NR1I2: variants seen among roughly 807,000 people sequenced by gnomAD.
NR1I2 encodes orphan nuclear receptor PAR1.
In NR1I2, 42 loss-of-function variants were observed where a neutral mutation model predicts 43.3. The ratio of observed to expected loss-of-function variants is 0.97; its 90% CI spans 0.76 to 1.26. The LOEUF (loss-of-function observed/expected upper bound fraction) is 1.26. NR1I2 is among the 50% of genes most tolerant of loss of function. The pLI, the probability that NR1I2 is intolerant of heterozygous loss-of-function variation, is 0.00. For missense variants in NR1I2, 559 were observed against 566.7 expected (o/e 0.99, Z 0.14); for synonymous variants, 229 against 215.0 (o/e 1.06, Z -0.57).
intron 1 of NR1I2, among the ~76,000 whole-genome samples, chr3:119,785,810 A>G (rs1187645964): frequency 6.6e-6 from 1 of 152,228 alleles, no homozygotes; most frequent in Non-Finnish European, 1.5e-5. Context: ...TAGGTGCTGC[A>G]TACCAGGAGG....
intron 1 of NR1I2, chr3:119,782,966 G>T (rs571599597): frequency 1.3e-5 from 11 of 869,998 alleles, no homozygotes; most frequent in Middle Eastern, 4.3e-4. Context: ...AGCCCAGCTC[G>T]GCTGAAGCTA....
At chr3:119,807,206 C>G (rs755884741) in intron 1 of NR1I2, 23 bp from the exon 2 acceptor site, 43 of 1,602,534 alleles carry the variant, frequency 2.7e-5, no homozygotes, top group Non-Finnish European at 3.3e-5. Flanking sequence ...TCTTTTCATT[C>G]TCTGTGGTTT....
At position 119,817,685 on chromosome 3, in the gene NR1I2, T is replaced by C; in HGVS notation, c.*473T>C. ...GTCTCCCACTTCCCACTCGTTCCCC[T>C]CCTCTTCCGAGCTGCTTTGTGGGCT... On this transcript the variant is annotated 3_prime_UTR_variant, in exon 9 of 9. Transcript: ENST00000393716. The C allele has an allele frequency of 9.0e-7, 1 of 1,111,152 alleles. No homozygotes were observed. Among genetic ancestry groups the C allele is most frequent in the Non-Finnish European group, 1.1e-6 (1 of 902,194 alleles). 68.8% of individuals were successfully genotyped at this position (1,111,152 alleles called of 1,614,324 possible).
At chr3:119,795,531 A>G (rs978696886) in intron 1 of NR1I2, among the ~76,000 whole-genome samples, 1 of 152,230 alleles carries the variant, frequency 6.6e-6, no homozygotes, top group African/African-American at 2.4e-5. Context: ...CATCACCTGC[A>G]GTTTCTCTGG....
intron 5 of NR1I2, among the ~76,000 whole-genome samples, chr3:119,813,573 C>T (rs1393570304): frequency 2.0e-5 from 3 of 152,086 alleles, no homozygotes; most frequent in African/African-American, 7.2e-5. Context: ...TTGGGTAGGC[C>T]ACCTTGCCTT....
chr3:119,814,957 C>G, intron 5 of NR1I2, 22 bp from the exon 6 acceptor site: 1 of 1,613,822 alleles, frequency 6.2e-7, no homozygotes, highest in Non-Finnish European at 8.5e-7. Context: ...AGCTGTCCTC[C>G]CCTCCCCATC....
intron 3 of NR1I2, 187 bp from the exon 4 acceptor site, chr3:119,811,352 C>A: frequency 1.6e-6 from 1 of 610,372 alleles, no homozygotes; most frequent in Non-Finnish European, 2.8e-6. Context: ...TCTGTCCTCA[C>A]CCAAGTGTTT....
chr3:119,788,982 A>T (rs781317029), intron 1 of NR1I2, among the ~76,000 whole-genome samples: 13 of 152,182 alleles, frequency 8.5e-5, no homozygotes, highest in Non-Finnish European at 1.5e-4. Context: ...TGAAGCTCAG[A>T]CCCACCACAG....
chr3:119,788,652 T>G (rs1391452865), intron 1 of NR1I2, among the ~76,000 whole-genome samples: 1 of 151,144 alleles, frequency 6.6e-6, no homozygotes, highest in African/African-American at 2.4e-5. Context: ...TGCCCAGACT[T>G]GTCTCGAACT....
Position 119,817,395 on chromosome 3 carries a change from C to A in NR1I2, c.*183C>A, listed in dbSNP as rs149397784. ...CCTCAGGAAGGACATGGGTGCCCCC[C>A]ACCCCCAGTTCAGTCTGTAGGGAGT... On this transcript the variant is annotated 3_prime_UTR_variant, in exon 9 of 9. Coordinates refer to ENST00000393716, the MANE Select transcript of NR1I2 (RefSeq NM_003889.4). 186 of 1,476,028 alleles carry A rather than the reference C, an allele frequency of 1.3e-4. No homozygotes were observed. In the African/African-American group the frequency reaches 2.2e-3, roughly 17 times the overall value. 91.4% of individuals were successfully genotyped at this position (1,476,028 alleles called of 1,614,324 possible). A position where few individuals can be genotyped will look rare whatever the true frequency, so the allele number is the denominator to read the frequency against.
At chr3:119,800,871 A>ATT (rs2055070891) in intron 1 of NR1I2, among the ~76,000 whole-genome samples, 1 of 152,244 alleles carries the variant, frequency 6.6e-6, no homozygotes, top group African/African-American at 2.4e-5. Context: ...CCTAGGAAAA[A>ATT]GTTTGCAGGC....
intron 1 of NR1I2, chr3:119,792,021 G>GGGTACAGA: frequency 1.4e-6 from 1 of 713,446 alleles, no homozygotes; most frequent in Non-Finnish European, 2.6e-6. Context: ...AATTATCTTT[G>GGGTACAGA]ACCACCGTTC....
In NR1I2 at chr3:119,817,229, G is replaced by A. The variant is rs1440655608; in HGVS notation, c.*17G>A. ...GGTAGCTGAGCGGCTGCCCTTGGGT[G>A]ACACCTCCGAGAGGCAGCCAGACCC... is the stretch of plus-strand genomic sequence containing the variant. On this transcript the variant is annotated 3_prime_UTR_variant, in exon 9 of 9. Transcript: ENST00000393716. 1.2e-6 allele frequency: 2 copies of A among 1,613,034 alleles called. No homozygotes were observed. Among genetic ancestry groups the A allele is most frequent in the African/African-American group, 2.7e-5 (2 of 74,922 alleles).
At chr3:119,811,074 C>T (rs1237296602) in intron 3 of NR1I2, 1 of 157,172 alleles carries the variant, frequency 6.4e-6, no homozygotes, top group Non-Finnish European at 1.4e-5. Flanking sequence ...TACTGAACAT[C>T]TCTTATGTAC....
intron 8 of NR1I2, 104 bp from the exon 9 acceptor site, chr3:119,816,964 A>G: frequency 6.7e-7 from 1 of 1,481,756 alleles, no homozygotes; most frequent in South Asian, 1.1e-5. Context: ...CTCTTGGCTG[A>G]CCTGAAATGT....
chr3:119,789,329 CAAAGA>C (rs1206931184), intron 1 of NR1I2, among the ~76,000 whole-genome samples: 1 of 121,428 alleles, frequency 8.2e-6, no homozygotes, highest in African/African-American at 2.7e-5. Context: ...GGGTAAATTA[CAAAGA>C]AAAAAAGGTT....
chr3:119,786,804 G>A (rs763917784), intron 1 of NR1I2, among the ~76,000 whole-genome samples: 1 of 152,178 alleles, frequency 6.6e-6, no homozygotes, highest in Non-Finnish European at 1.5e-5. Flanking sequence ...CCGTGACTTT[G>A]GCTATCTGAG....
rs369137601 is a variant in NR1I2, at chr3:119,782,264, G to C, written c.-59G>C. 2 of 166,416 alleles carry C rather than the reference G, an allele frequency of 1.2e-5. No individual in the cohort carries two copies. The highest frequency in any genetic ancestry group is 2.6e-5 in the Non-Finnish European group (2 of 75,638). The allele number at this position is 166,416 out of a possible 1,614,324, so 10.3% of individuals were successfully genotyped here. Reference sequence around the variant, plus strand: ...ACCGGATTGTTCAAAGTGGACCCCAGGGGAGAAGTCGGAGCAAAGAACTTA... The same window carrying C: ...ACCGGATTGTTCAAAGTGGACCCCACGGGAGAAGTCGGAGCAAAGAACTTA... On this transcript the variant is annotated 5_prime_UTR_variant, in exon 1 of 9. Coordinates refer to ENST00000393716, the MANE Select transcript of NR1I2 (RefSeq NM_003889.4).
At chr3:119,813,352 A>G (rs2055271832) in intron 5 of NR1I2, among the ~76,000 whole-genome samples, 1 of 152,088 alleles carries the variant, frequency 6.6e-6, no homozygotes, top group East Asian at 1.9e-4. Flanking sequence ...AATGAGAGGA[A>G]TAGAAAAGAT....
Sources: gnomAD v4.1 joint callset for allele counts (sites outside exome capture counted in the v4.1 genomes callset) on GRCh38, gnomAD v4.1.1 for gene constraint, MANE v1.5 for transcripts, NCBI Gene and HGNC (gene_info 2026-07-23, HGNC 2026-07-21) for gene names.